The following SPOCK3 variants were observed in gnomAD, a reference collection of about 807,000 sequenced individuals.
SPOCK3 encodes the protein testican-3.
SPOCK3 carries 30 observed loss-of-function variants against 56.6 expected under a neutral mutation model. The ratio of observed to expected loss-of-function variants is 0.53; its 90% CI spans 0.40 to 0.72. The LOEUF (loss-of-function observed/expected upper bound fraction) is 0.72, where lower values mean the gene tolerates loss of function less well. Ranked by LOEUF, SPOCK3 falls within the 30% of genes least tolerant of loss-of-function variation. SPOCK3 has a pLI of 0.00. For missense variants in SPOCK3, 527 were observed against 530.0 expected (o/e 0.99, Z 0.06); for synonymous variants, 196 against 183.3 (o/e 1.07, Z -0.56).
chr4:166,976,100 C>A (rs1745914619), intron 4 of SPOCK3, among the ~76,000 whole-genome samples: 1 of 151,854 alleles, frequency 6.6e-6, no homozygotes, highest in Admixed American at 6.6e-5. Context: ...CTACATACAA[C>A]ACTCTCCACC....
intron 2 of SPOCK3, among the ~76,000 whole-genome samples, chr4:167,214,212 T>A (rs939714991): frequency 1.3e-5 from 2 of 152,144 alleles, no homozygotes; most frequent in African/African-American, 2.4e-5. Context: ...AGGTAGCAGT[T>A]GTAATGGTTT....
chr4:166,843,891 G>C (rs1698564044), intron 6 of SPOCK3, among the ~76,000 whole-genome samples: 1 of 152,210 alleles, frequency 6.6e-6, no homozygotes, highest in Admixed American at 6.5e-5. Flanking sequence ...GAAACTCTGA[G>C]ATCATCATGT....
chr4:166,804,043 G>A (rs763064644), intron 6 of SPOCK3, among the ~76,000 whole-genome samples: 14 of 152,064 alleles, frequency 9.2e-5, no homozygotes, highest in South Asian at 2.1e-4. Context: ...AAGGGGGTTC[G>A]AAGACTTTTT....
intron 2 of SPOCK3, among the ~76,000 whole-genome samples, chr4:167,166,242 C>A (rs368018157): frequency 1.1e-4 from 17 of 151,856 alleles, no homozygotes; most frequent in Non-Finnish European, 2.1e-4. Context: ...TAGAACATTG[C>A]AGAAAAAAAA....
At chr4:166,833,705 C>CT (rs577677767) in intron 6 of SPOCK3, among the ~76,000 whole-genome samples, 191 of 152,146 alleles carry the variant, frequency 1.3e-3, no homozygotes, top group Admixed American at 3.3e-3. Context: ...TTATGATATC[C>CT]TTTTTTCTCC....
chr4:166,995,655 T>C (rs1473441679), intron 4 of SPOCK3, among the ~76,000 whole-genome samples: 1 of 152,022 alleles, frequency 6.6e-6, no homozygotes, highest in East Asian at 1.9e-4. Context: ...CCAGAAACTC[T>C]GAGCCTCAGT....
At chr4:167,071,840 C>G (rs1487370392) in intron 2 of SPOCK3, among the ~76,000 whole-genome samples, 1 of 152,052 alleles carries the variant, frequency 6.6e-6, no homozygotes, top group Non-Finnish European at 1.5e-5. Flanking sequence ...CTCCCACCAA[C>G]AGTGTAAAGG....
intron 6 of SPOCK3, among the ~76,000 whole-genome samples, chr4:166,841,886 C>T (rs879762878): frequency 2.0e-5 from 3 of 152,072 alleles, no homozygotes; most frequent in Non-Finnish European, 4.4e-5. Flanking sequence ...AGCCGTGGAC[C>T]CTTGCGATGA....
At chr4:167,115,717 A>C (rs1761274129) in intron 2 of SPOCK3, among the ~76,000 whole-genome samples, 1 of 152,090 alleles carries the variant, frequency 6.6e-6, no homozygotes, top group African/African-American at 2.4e-5. Flanking sequence ...GGTTGCCTTC[A>C]AAGGGGCAAC....
chr4:166,747,400 T>C (rs1735777910), intron 8 of SPOCK3, among the ~76,000 whole-genome samples: 4 of 152,182 alleles, frequency 2.6e-5, no homozygotes, highest in South Asian at 4.1e-4. Flanking sequence ...ATTATCTCAA[T>C]AGTTGCAGAA....
intron 2 of SPOCK3, among the ~76,000 whole-genome samples, chr4:167,196,178 C>A (rs1377434347): frequency 6.6e-6 from 1 of 152,058 alleles, no homozygotes; most frequent in Non-Finnish European, 1.5e-5. Flanking sequence ...ATACCAAAAG[C>A]TACTATATCG....
intron 6 of SPOCK3, among the ~76,000 whole-genome samples, chr4:166,861,320 ATCTC>A (rs1203395391): frequency 2.6e-5 from 4 of 151,606 alleles, no homozygotes; most frequent in Non-Finnish European, 4.4e-5. Flanking sequence ...CAACCAGTCA[ATCTC>A]TCTCTCTCTC....
intron 2 of SPOCK3, among the ~76,000 whole-genome samples, chr4:167,150,509 G>A (rs566588442): frequency 5.9e-5 from 9 of 152,230 alleles, no homozygotes; most frequent in South Asian, 2.1e-4. Flanking sequence ...GGTGGAAAGA[G>A]TGGAAGACAC....
chr4:166,801,812 T>C (rs1742631159), intron 6 of SPOCK3, among the ~76,000 whole-genome samples: 2 of 152,102 alleles, frequency 1.3e-5, no homozygotes, highest in Admixed American at 6.6e-5. Context: ...AGTTCTCCAA[T>C]ATAAAGTAGC....
At chr4:167,042,286 T>TTGGA (rs1261533793) in intron 3 of SPOCK3, among the ~76,000 whole-genome samples, 3 of 152,182 alleles carry the variant, frequency 2.0e-5, no homozygotes, top group Non-Finnish European at 4.4e-5. Flanking sequence ...GGTTGAATCC[T>TTGGA]TGGATGTGGA....
intron 4 of SPOCK3, among the ~76,000 whole-genome samples, chr4:166,948,521 A>T (rs1003374696): frequency 1.3e-5 from 2 of 151,164 alleles, no homozygotes; most frequent in East Asian, 3.9e-4. Context: ...CCTCACCAAC[A>T]TTTTTTTTTA....
chr4:167,127,585 G>A (rs547523459), intron 2 of SPOCK3, among the ~76,000 whole-genome samples: 7 of 151,990 alleles, frequency 4.6e-5, no homozygotes, highest in Admixed American at 1.3e-4. Context: ...CTGCCACCAC[G>A]CCCAGCTAAT....
intron 2 of SPOCK3, among the ~76,000 whole-genome samples, chr4:167,153,605 T>C (rs1764583917): frequency 1.3e-5 from 2 of 152,132 alleles, no homozygotes; most frequent in African/African-American, 4.8e-5. Context: ...CCATAGAAAG[T>C]TTTACTGGAC....
At chr4:167,198,683 G>A (rs1447111194) in intron 2 of SPOCK3, among the ~76,000 whole-genome samples, 4 of 152,046 alleles carry the variant, frequency 2.6e-5, no homozygotes, top group Non-Finnish European at 5.9e-5. Context: ...TAGTGTCCAT[G>A]CTTTGAATCC....
Sources: gnomAD v4.1 joint callset for allele counts (sites outside exome capture counted in the v4.1 genomes callset) on GRCh38, gnomAD v4.1.1 for gene constraint, MANE v1.5 for transcripts, NCBI Gene and HGNC (gene_info 2026-07-23, HGNC 2026-07-21) for gene names.